Variants in SORCS3 observed in about 807,000 individuals in gnomAD.
The protein encoded by SORCS3 is VPS10 domain-containing receptor SorCS3.
In SORCS3, 57 loss-of-function variants were observed where a neutral mutation model predicts 146.3. The ratio of observed to expected loss-of-function variants is 0.39; its 90% CI spans 0.31 to 0.49. The LOEUF is 0.49. Among genes scored for constraint, SORCS3 ranks in the 20% least tolerant of loss-of-function variants. The pLI, the probability that SORCS3 is intolerant of heterozygous loss-of-function variation, is 0.92. For missense variants in SORCS3, 1,341 were observed against 1,575.5 expected (o/e 0.85, Z 2.52); for synonymous variants, 653 against 618.5 (o/e 1.06, Z -0.83).
chr10:104,722,595 A>G (rs768293669), intron 1 of SORCS3, among the ~76,000 whole-genome samples: 1 of 152,204 alleles, frequency 6.6e-6, no homozygotes, highest in Non-Finnish European at 1.5e-5. Context: ...TTGGCTGTGA[A>G]TCCAACTGGT....
intron 1 of SORCS3, among the ~76,000 whole-genome samples, chr10:104,701,354 A>G (rs1424896776): frequency 1.3e-5 from 2 of 152,364 alleles, no homozygotes; most frequent in East Asian, 3.9e-4. Context: ...TCAAAGGAAT[A>G]TTAGTGGCAA....
At chr10:105,094,685 G>T (rs2055733567) in intron 6 of SORCS3, among the ~76,000 whole-genome samples, 1 of 152,182 alleles carries the variant, frequency 6.6e-6, no homozygotes, top group Non-Finnish European at 1.5e-5. Flanking sequence ...GGAATATATT[G>T]TGTTGAATCA....
intron 5 of SORCS3, among the ~76,000 whole-genome samples, chr10:105,062,046 G>C (rs2055491395): frequency 6.6e-6 from 1 of 152,148 alleles, no homozygotes; most frequent in Admixed American, 6.5e-5. Context: ...CCTTTGGAGA[G>C]AGTTATTTAT....
intron 1 of SORCS3, among the ~76,000 whole-genome samples, chr10:104,813,946 T>G (rs1029703617): frequency 5.2e-4 from 77 of 147,726 alleles, no homozygotes; most frequent in Non-Finnish European, 8.7e-4. Flanking sequence ...TTTTTTTTTT[T>G]GCCAGGGGGT....
intron 5 of SORCS3, among the ~76,000 whole-genome samples, chr10:105,058,210 G>C (rs1243497103): frequency 6.6e-6 from 1 of 152,304 alleles, no homozygotes; most frequent in East Asian, 1.9e-4. Flanking sequence ...GAAAAGGTCA[G>C]ACCCTGGAAC....
intron 22 of SORCS3, among the ~76,000 whole-genome samples, chr10:105,248,288 C>G (rs556372199): frequency 3.3e-5 from 5 of 152,250 alleles, no homozygotes; most frequent in South Asian, 2.1e-4. Context: ...TTCACGCTAT[C>G]CAGGGACATG....
chr10:104,862,175 G>A (rs187010026), intron 2 of SORCS3, among the ~76,000 whole-genome samples: 4 of 152,316 alleles, frequency 2.6e-5, no homozygotes, highest in Admixed American at 2.6e-4. Context: ...CCATAGCTGA[G>A]GCTGAAGGAT....
chr10:105,200,737 C>A (rs12268574), intron 15 of SORCS3, among the ~76,000 whole-genome samples: 38,694 of 152,050 alleles, frequency 0.25, 4,978 homozygotes, highest in South Asian at 0.35. Context: ...CTCTGAAGAC[C>A]ATGTGAAAAA....
chr10:105,032,535 C>T (rs2055276317), intron 4 of SORCS3, among the ~76,000 whole-genome samples: 1 of 152,098 alleles, frequency 6.6e-6, no homozygotes, highest in African/African-American at 2.4e-5. Context: ...TTTCTGAGCG[C>T]TACTAATACT....
chr10:105,111,771 T>G (rs1250710665), intron 7 of SORCS3, among the ~76,000 whole-genome samples: 3 of 152,218 alleles, frequency 2.0e-5, no homozygotes. Flanking sequence ...CACATGTTGC[T>G]CTTGGAGAAA....
rs202095619 is a variant in SORCS3 at position 104,977,422 on chromosome 10, T to C, written c.883T>C (p.Phe295Leu). ...GACCTATCAGAAGTATCGGCTCACCTTCTATATCCAGAGCCTGCTCTTTCA... is the reference window on the plus strand; with the variant it reads ...GACCTATCAGAAGTATCGGCTCACCCTCTATATCCAGAGCCTGCTCTTTCA... ...GATYQKYRLT[F>L]YIQSLLFHPK... The change falls in exon 4 of 27, where the codon TTC becomes CTC. Residue 295 changes from phenylalanine to leucine, a missense_variant. Coordinates refer to ENST00000369701, the MANE Select transcript of SORCS3 (RefSeq NM_014978.3). 1.2e-6 allele frequency: 2 copies of C among 1,613,828 alleles called. No homozygotes were observed. Among genetic ancestry groups the C allele is most frequent in the African/African-American group, 1.3e-5 (1 of 75,032 alleles).
At position 105,170,418 on chromosome 10, in the gene SORCS3, A is replaced by AC. The variant is rs1272876781; in HGVS notation, c.1901+3069_1901+3070insC. Among the ~76,000 whole-genome samples, 5 of 149,654 alleles carry AC rather than the reference A, an allele frequency of 3.3e-5. No individual in the cohort carries two copies. The East Asian group carries it at 9.7e-4, about 29-fold the overall frequency. On this transcript the variant is annotated intron_variant, in intron 13 of 26. Transcript: ENST00000369701. Reference sequence around the variant, plus strand: ...TGGTAAAAATGTTTATAGAGTTCAGAAAAAAAAAAGAACTGCACTGCCACT... The same window carrying AC: ...TGGTAAAAATGTTTATAGAGTTCAGACAAAAAAAAAGAACTGCACTGCCACT...
chr10:104,754,151 C>T (rs1052683640), intron 1 of SORCS3, among the ~76,000 whole-genome samples: 10 of 152,172 alleles, frequency 6.6e-5, no homozygotes, highest in Admixed American at 2.6e-4. Flanking sequence ...GGTTAAGCAG[C>T]TTACCCGTTT....
chr10:105,013,088 A>G (rs2055144450), intron 4 of SORCS3, among the ~76,000 whole-genome samples: 1 of 152,190 alleles, frequency 6.6e-6, no homozygotes, highest in South Asian at 2.1e-4. Flanking sequence ...TAGTATACTA[A>G]AGGTTTAAGG....
intron 2 of SORCS3, among the ~76,000 whole-genome samples, chr10:104,855,731 ATG>A (rs142974541): frequency 3.8e-4 from 56 of 148,916 alleles, no homozygotes; most frequent in Admixed American, 1.0e-3. Flanking sequence ...GTGTGTGTGT[ATG>A]TGTGTGTGTG....
chr10:105,015,302 G>T (rs754904993), intron 4 of SORCS3, among the ~76,000 whole-genome samples: 2 of 152,180 alleles, frequency 1.3e-5, no homozygotes, highest in Admixed American at 6.5e-5. Flanking sequence ...CACTTGCCAG[G>T]AGACACATGC....
rs138581503 is a variant in SORCS3, at chr10:104,699,990, G to A, written c.627+58036G>A. 7.8e-3 allele frequency among the ~76,000 whole-genome samples: 1,189 copies of A among 152,126 alleles called. 11 individuals carry two copies. Among genetic ancestry groups the A allele is most frequent in the African/African-American group, 0.025 (1,054 of 41,490 alleles). On this transcript the variant is annotated intron_variant, in intron 1 of 26. Transcript: ENST00000369701. Reference sequence around the variant, plus strand: ...AAAATGTAATAAATACCCATCCAAGGGGCTGTTGACAAATTGCAAACATAA... The same window carrying A: ...AAAATGTAATAAATACCCATCCAAGAGGCTGTTGACAAATTGCAAACATAA...
chr10:104,835,854 A>G (rs902166924), intron 1 of SORCS3, among the ~76,000 whole-genome samples: 3 of 152,234 alleles, frequency 2.0e-5, no homozygotes, highest in Admixed American at 1.3e-4. Flanking sequence ...TTTGCACAGT[A>G]CAGCTTATAA....
chr10:104,974,593 A>G (rs961871426), intron 3 of SORCS3, among the ~76,000 whole-genome samples: 5 of 151,960 alleles, frequency 3.3e-5, no homozygotes, highest in Non-Finnish European at 5.9e-5. Flanking sequence ...GTGTGTCTCT[A>G]CACGTGAGAT....
Sources: allele counts gnomAD v4.1 joint callset (sites outside exome capture counted in the v4.1 genomes callset), GRCh38; gene constraint gnomAD v4.1.1; transcripts MANE v1.5; gene names NCBI Gene and HGNC (gene_info 2026-07-23, HGNC 2026-07-21).